PPFIA1: variants seen among roughly 807,000 people sequenced by gnomAD.
PPFIA1 encodes PPFI scaffold protein A1, also known as liprin-alpha-1.
PPFIA1 carries 25 observed loss-of-function variants against 149.9 expected under a neutral mutation model. The ratio of observed to expected loss-of-function variants is 0.17; its 90% CI spans 0.12 to 0.23. The LOEUF (loss-of-function observed/expected upper bound fraction) is 0.23. Among genes scored for constraint, PPFIA1 ranks in the 10% least tolerant of loss-of-function variants. The pLI, the probability that PPFIA1 is intolerant of heterozygous loss-of-function variation, is 1.00. For missense variants in PPFIA1, 1,362 were observed against 1,506.5 expected, an observed-to-expected ratio of 0.90 and a Z score of 1.59; for synonymous variants, 549 against 552.8, an observed-to-expected ratio of 0.99 and a Z score of 0.10.
chr11:70,343,805 A>G lies in PPFIA1; in HGVS notation c.1844A>G (p.Asp615Gly). ...DDRDTLLSSV[D>G]LLSPSGQADA... ...AGGGACACTCTCCTCAGCTCAGTTGACCTGCTATCGCCCAGCGGGCAGGCC... is the reference window on the plus strand; with the variant it reads ...AGGGACACTCTCCTCAGCTCAGTTGGCCTGCTATCGCCCAGCGGGCAGGCC... Residue 615 changes from aspartate (D) to glycine (G), a missense_variant, in exon 15 of 28, where the codon GAC becomes GGC. By Grantham distance (94) the Asp-to-Gly change is moderately conservative (BLOSUM62 -1). Transcript: ENST00000253925. 6.2e-7 allele frequency: 1 copy of G among 1,614,154 alleles called. No homozygotes were observed. The highest frequency in any genetic ancestry group is 8.5e-7 in the Non-Finnish European group (1 of 1,180,042).
intron 16 of PPFIA1, among the ~76,000 whole-genome samples, chr11:70,353,995 T>C (rs1490622687): frequency 3.3e-5 from 5 of 152,216 alleles, no homozygotes; most frequent in Admixed American, 2.6e-4. Flanking sequence ...GAGACTGTCC[T>C]CATGATGTGC....
chr11:70,344,618 A>T (rs549786258), intron 15 of PPFIA1, among the ~76,000 whole-genome samples: 125 of 152,140 alleles, frequency 8.2e-4, no homozygotes, highest in African/African-American at 2.5e-3. Flanking sequence ...TTACCTTCTT[A>T]CTTTGGTCTG....
chr11:70,321,304 G>A (rs1298145517), intron 2 of PPFIA1: 1 of 152,180 alleles, frequency 6.6e-6, no homozygotes, highest in Admixed American at 6.5e-5. Flanking sequence ...TTGTTTAAAA[G>A]GTAATGGGAG....
chr11:70,283,885 C>A, intron 2 of PPFIA1: 1 of 469,084 alleles, frequency 2.1e-6, no homozygotes, highest in Admixed American at 2.4e-5. Context: ...TGCAGTGGAG[C>A]CCCCTCAACA....
chr11:70,324,733 G>A lies in PPFIA1; in HGVS notation c.367-114G>A, dbSNP rs1221045451. The A allele has an allele frequency of 1.1e-5, 12 of 1,079,372 alleles. No homozygotes were observed. In the Admixed American group the frequency reaches 2.7e-4, roughly 25 times the overall value. 66.9% of individuals were successfully genotyped at this position (1,079,372 alleles called of 1,614,324 possible). A position where few individuals can be genotyped will look rare whatever the true frequency, so the allele number is the denominator to read the frequency against. On this transcript the variant is annotated intron_variant, in intron 3 of 27. Transcript: ENST00000253925. ...ATTGAGAGGAATTTGTTTTTCTGCG[G>A]AATTGAAGGGACTTCATTTTAGTAT...
At chr11:70,357,488 G>A (rs2056413164) in intron 19 of PPFIA1, among the ~76,000 whole-genome samples, 1 of 152,090 alleles carries the variant, frequency 6.6e-6, no homozygotes, top group African/African-American at 2.4e-5. Flanking sequence ...CAGTACCATA[G>A]GAATACTCAG....
intron 16 of PPFIA1, among the ~76,000 whole-genome samples, chr11:70,349,152 A>C (rs1213262730): frequency 2.0e-5 from 3 of 151,612 alleles, no homozygotes; most frequent in African/African-American, 7.3e-5. Context: ...AAAAAAAAAA[A>C]AAAAAGGAAA....
intron 26 of PPFIA1, chr11:70,378,465 A>G (rs1299825109): frequency 2.6e-6 from 3 of 1,158,394 alleles, no homozygotes; most frequent in Non-Finnish European, 3.2e-6. Flanking sequence ...CTGTGTTCTC[A>G]GAGAGAGACT....
intron 7 of PPFIA1, chr11:70,327,786 A>G (rs1234090144): frequency 2.0e-5 from 3 of 150,316 alleles, no homozygotes; most frequent in African/African-American, 7.3e-5. Flanking sequence ...AAAAAAAAAG[A>G]GAGAAACTAT....
intron 2 of PPFIA1, among the ~76,000 whole-genome samples, chr11:70,313,416 G>A (rs2053411014): frequency 6.6e-6 from 1 of 152,188 alleles, no homozygotes; most frequent in Non-Finnish European, 1.5e-5. Flanking sequence ...AGTCTGATTT[G>A]TTTCGGAAAA....
chr11:70,321,525 T>A (rs1260904902), intron 2 of PPFIA1: 1 of 152,116 alleles, frequency 6.6e-6, no homozygotes, highest in Non-Finnish European at 1.5e-5. Context: ...TCAAAATAAG[T>A]ATGTTTAAGA....
intron 2 of PPFIA1, among the ~76,000 whole-genome samples, chr11:70,323,496 C>T (rs780954232): frequency 9.2e-5 from 14 of 152,112 alleles, no homozygotes; most frequent in Non-Finnish European, 1.9e-4. Flanking sequence ...ATCAGCACCA[C>T]GTAGCTGGGG....
intron 2 of PPFIA1, among the ~76,000 whole-genome samples, chr11:70,273,973 G>A (rs2050243415): frequency 6.6e-6 from 1 of 152,184 alleles, no homozygotes; most frequent in Non-Finnish European, 1.5e-5. Context: ...AGGCTGTGGA[G>A]GTTGTCACAC....
intron 14 of PPFIA1, chr11:70,341,742 A>G (rs1156549751): frequency 6.5e-6 from 1 of 153,848 alleles, no homozygotes; most frequent in Non-Finnish European, 1.4e-5. Flanking sequence ...CTCCAAGGCC[A>G]TCGGTGGGGA....
intron 2 of PPFIA1, among the ~76,000 whole-genome samples, chr11:70,295,941 C>A (rs1172289906): frequency 6.6e-6 from 1 of 150,698 alleles, no homozygotes; most frequent in Admixed American, 6.6e-5. Flanking sequence ...GGTTGCCAGG[C>A]GGAGGGTCTC....
chr11:70,326,592 A>G lies in PPFIA1; in HGVS notation c.709-5A>G. ...TATTTAAGGATTTTTTTTTCCCCCT[A>G]TCAGAGATCTTCTGATGGTTCTTTA... On this transcript the variant is annotated splice_polypyrimidine_tract_variant and splice_region_variant and intron_variant, in intron 6 of 27. Coordinates refer to ENST00000253925, the MANE Select transcript of PPFIA1 (RefSeq NM_003626.5). 1.2e-6 allele frequency: 2 copies of G among 1,606,406 alleles called. No individual in the cohort carries two copies. The highest frequency in any genetic ancestry group is 2.2e-5 in the South Asian group (2 of 89,846).
At chr11:70,374,843 T>C (rs1475496480) in intron 23 of PPFIA1, 75 bp from the exon 24 acceptor site, 2 of 1,346,732 alleles carry the variant, frequency 1.5e-6, no homozygotes, top group African/African-American at 1.5e-5. Context: ...GGAATCTTTC[T>C]CCTGCATTAC....
intron 26 of PPFIA1, among the ~76,000 whole-genome samples, chr11:70,380,925 C>T (rs762681917): frequency 2.0e-5 from 3 of 151,884 alleles, no homozygotes; most frequent in Non-Finnish European, 4.4e-5. Context: ...CCTCAGCCTC[C>T]CAAGTAGCTG....
At chr11:70,342,375 G>A (rs1390201805) in intron 14 of PPFIA1, among the ~76,000 whole-genome samples, 1 of 152,162 alleles carries the variant, frequency 6.6e-6, no homozygotes, top group Non-Finnish European at 1.5e-5. Flanking sequence ...AGGAGGTGTT[G>A]GGGGCTTGAA....
Sources: gnomAD v4.1 joint callset for allele counts (sites outside exome capture counted in the v4.1 genomes callset) on GRCh38, gnomAD v4.1.1 for gene constraint, MANE v1.5 for transcripts, NCBI Gene and HGNC (gene_info 2026-07-23, HGNC 2026-07-21) for gene names.